The following LY6S variants were observed in gnomAD, a reference collection of about 807,000 sequenced individuals.
LY6S encodes lymphocyte antigen 6S.
the LY6S span, among the ~76,000 whole-genome samples, chr8:143,041,601 AG>A: frequency 2.0e-5 from 3 of 152,238 alleles, no homozygotes; most frequent in Non-Finnish European, 2.9e-5. Context: ...AAAAGATTAA[AG>A]ACAGGCATAG....
At chr8:143,073,835 C>G in the LY6S span, among the ~76,000 whole-genome samples, 1 of 146,558 alleles carries the variant, frequency 6.8e-6, no homozygotes, top group Non-Finnish European at 1.5e-5. Flanking sequence ...AGACAGCCGT[C>G]GTCCCCGGGG....
At chr8:143,060,508 T>G in the LY6S span, among the ~76,000 whole-genome samples, 1 of 152,160 alleles carries the variant, frequency 6.6e-6, no homozygotes, top group Admixed American at 6.5e-5. Flanking sequence ...GTCCCCTCTC[T>G]CTCTCCGCCT....
chr8:143,060,668 C>T, the LY6S span, among the ~76,000 whole-genome samples: 12 of 152,242 alleles, frequency 7.9e-5, no homozygotes, highest in East Asian at 5.8e-4. Flanking sequence ...GGGTCACTAC[C>T]GGTCTCCACG....
chr8:143,076,225 G>A, the LY6S span, among the ~76,000 whole-genome samples: 5 of 152,310 alleles, frequency 3.3e-5, no homozygotes, highest in Admixed American at 6.5e-5. Flanking sequence ...ACAGCTGTCC[G>A]TCTAAGAAAG....
At chr8:143,064,441 T>C in the LY6S span, among the ~76,000 whole-genome samples, 1 of 152,250 alleles carries the variant, frequency 6.6e-6, no homozygotes, top group Non-Finnish European at 1.5e-5. Flanking sequence ...GGTGTTATTC[T>C]GATAGCCCCA....
the LY6S span, among the ~76,000 whole-genome samples, chr8:143,062,845 G>A: frequency 9.2e-5 from 14 of 152,174 alleles, no homozygotes; most frequent in Non-Finnish European, 1.3e-4. Flanking sequence ...GTCAAAATTC[G>A]CCTGCTGAGT....
At chr8:143,070,831 C>G in the LY6S span, among the ~76,000 whole-genome samples, 1 of 152,084 alleles carries the variant, frequency 6.6e-6, no homozygotes, top group Non-Finnish European at 1.5e-5. Context: ...TTCTCTCACT[C>G]CTCCTCTACC....
the LY6S span, chr8:143,057,803 T>A: frequency 1.3e-6 from 1 of 775,728 alleles, no homozygotes. Flanking sequence ...TGAAAAACCA[T>A]CAACAGCTAG....
chr8:143,058,362 A>G, the LY6S span, among the ~76,000 whole-genome samples: 4 of 152,222 alleles, frequency 2.6e-5, no homozygotes, highest in South Asian at 2.1e-4. Context: ...GCCATCTCCA[A>G]TGATAGGTAA....
At chr8:143,061,504 G>T in the LY6S span, among the ~76,000 whole-genome samples, 53 of 101,412 alleles carry the variant, frequency 5.2e-4, no homozygotes, top group African/African-American at 2.4e-3. Flanking sequence ...TTGTTTGTTT[G>T]GTTGGTTGGT....
chr8:143,050,337 C>T, the LY6S span, among the ~76,000 whole-genome samples: 1 of 152,144 alleles, frequency 6.6e-6, no homozygotes, highest in South Asian at 2.1e-4. Flanking sequence ...TGCACCATCA[C>T]GTCTGGCTAA....
chr8:143,060,290 C>T, the LY6S span, among the ~76,000 whole-genome samples: 1 of 152,208 alleles, frequency 6.6e-6, no homozygotes, highest in Non-Finnish European at 1.5e-5. Flanking sequence ...TTGTGGAGGG[C>T]CTGACATCAG....
chr8:143,070,475 A>AATATATATAT, the LY6S span, among the ~76,000 whole-genome samples: 1 of 44,524 alleles, frequency 2.2e-5, no homozygotes, highest in East Asian at 8.0e-4. Context: ...ATATATATAT[A>AATATATATAT]AATATATATA....
the LY6S span, chr8:143,043,282 A>C: frequency 3.7e-6 from 5 of 1,333,526 alleles, no homozygotes; most frequent in African/African-American, 1.5e-5. Context: ...AGCAGGGGGA[A>C]TCCGACGTCC....
the LY6S span, chr8:143,048,130 G>T: frequency 5.9e-5 from 9 of 152,216 alleles, no homozygotes; most frequent in Non-Finnish European, 1.0e-4. Flanking sequence ...CTTCCCCGCA[G>T]CGGGTACCGT....
chr8:143,075,004 T>G, the LY6S span, among the ~76,000 whole-genome samples: 3 of 151,712 alleles, frequency 2.0e-5, no homozygotes, highest in East Asian at 5.8e-4. This position sits in a 1 kb window ranked among gnomAD's most constrained non-coding sequence, Gnocchi z 4.1. Flanking sequence ...ATTGTTGAAA[T>G]AGAAAGGTTG....
chr8:143,063,849 G>T, the LY6S span, among the ~76,000 whole-genome samples: 1 of 152,200 alleles, frequency 6.6e-6, no homozygotes, highest in Non-Finnish European at 1.5e-5. Flanking sequence ...ACCTGGTGAG[G>T]CTCATGGATC....
chr8:143,070,487 ATATTTT>A, the LY6S span, among the ~76,000 whole-genome samples: 16 of 84,036 alleles, frequency 1.9e-4, no homozygotes, highest in South Asian at 3.5e-4. Flanking sequence ...ATATATATAT[ATATTTT>A]TTTTTTTTTT....
chr8:143,066,337 T>C, the LY6S span: 8 of 207,926 alleles, frequency 3.8e-5, no homozygotes, highest in Non-Finnish European at 5.8e-5. Flanking sequence ...ATTTTTTGTA[T>C]TTTTAGTAGA....
Sources: allele counts gnomAD v4.1 joint callset (sites outside exome capture counted in the v4.1 genomes callset), GRCh38; gene constraint gnomAD v4.1.1; non-coding constraint Gnocchi (gnomAD v3.1); transcripts MANE v1.5; gene names NCBI Gene and HGNC (gene_info 2026-07-23, HGNC 2026-07-21).